SPOCK3: variants seen among roughly 807,000 people sequenced by gnomAD.
The protein encoded by SPOCK3 is testican-3.
A neutral mutation model predicts 56.6 loss-of-function variants in SPOCK3; 30 were observed. That is an observed-to-expected ratio of 0.53 (90% CI 0.40 to 0.72). The LOEUF (loss-of-function observed/expected upper bound fraction) is 0.72. SPOCK3 is among the 30% of genes least tolerant of loss of function. The probability of loss-of-function intolerance (pLI) is 0.00; values close to 1 mark genes in which losing one functional copy is unlikely to be tolerated. For missense variants in SPOCK3, 527 were observed against 530.0 expected (o/e 0.99, Z 0.06); for synonymous variants, 196 against 183.3 (o/e 1.07, Z -0.56).
chr4:166,778,546 T>C (rs1739823013), intron 7 of SPOCK3, among the ~76,000 whole-genome samples: 1 of 152,164 alleles, frequency 6.6e-6, no homozygotes, highest in African/African-American at 2.4e-5. Flanking sequence ...AAAGCACCAT[T>C]CTGGTCCACA....
At position 166,734,814 on chromosome 4, in the gene SPOCK3, G is replaced by A. The variant is rs1734053358; in HGVS notation, c.*107C>T. The A allele has an allele frequency of 2.2e-6, 2 of 919,874 alleles. No homozygotes were observed. The highest frequency in any genetic ancestry group is 3.2e-6 in the Non-Finnish European group (2 of 627,484). 57.0% of individuals were successfully genotyped at this position (919,874 alleles called of 1,614,324 possible). A position where few individuals can be genotyped will look rare whatever the true frequency, so the allele number is the denominator to read the frequency against. On this transcript the variant is annotated 3_prime_UTR_variant, in exon 11 of 11. Coordinates refer to ENST00000357545, the MANE Select transcript of SPOCK3 (RefSeq NM_001040159.2). Reference sequence around the variant, plus strand: ...TTTCAAATAATTATACAAAATATATGTGAGGTTTAGAATCATTTTGTTATT... The same window carrying A: ...TTTCAAATAATTATACAAAATATATATGAGGTTTAGAATCATTTTGTTATT...
intron 2 of SPOCK3, among the ~76,000 whole-genome samples, chr4:167,146,679 A>G (rs1178763781): frequency 1.3e-5 from 2 of 152,170 alleles, no homozygotes; most frequent in Non-Finnish European, 2.9e-5. Context: ...GCACAAACAC[A>G]TGGAAACTGA....
chr4:167,190,447 T>C (rs28771727), intron 2 of SPOCK3, among the ~76,000 whole-genome samples: 26,663 of 145,776 alleles, frequency 0.18, 5,396 homozygotes, highest in African/African-American at 0.34. Context: ...GTCATTTGAC[T>C]CTTTTTGAAT....
At chr4:166,881,446 G>C (rs1733683212) in intron 6 of SPOCK3, among the ~76,000 whole-genome samples, 1 of 151,776 alleles carries the variant, frequency 6.6e-6, no homozygotes, top group Non-Finnish European at 1.5e-5. Context: ...TAACTTACTT[G>C]TATCAAATAT....
At chr4:167,179,112 T>TG (rs1731230022) in intron 2 of SPOCK3, among the ~76,000 whole-genome samples, 3 of 152,184 alleles carry the variant, frequency 2.0e-5, no homozygotes, top group Admixed American at 2.0e-4. Context: ...ATCAGAGTCC[T>TG]GGAAGAGTCT....
At chr4:167,119,706 T>C (rs766053545) in intron 2 of SPOCK3, 97 of 943,048 alleles carry the variant, frequency 1.0e-4, no homozygotes, top group Non-Finnish European at 1.4e-4. Context: ...ATTTGAAGTA[T>C]TTAAATAGAG....
intron 2 of SPOCK3, among the ~76,000 whole-genome samples, chr4:167,084,601 G>T (rs558843547): frequency 6.6e-6 from 1 of 152,092 alleles, no homozygotes; most frequent in African/African-American, 2.4e-5. Flanking sequence ...TACTGCCTTC[G>T]GTCTTGAAAT....
In SPOCK3 at chr4:166,955,460, T is replaced by C. The variant is rs1743291479; in HGVS notation, c.351-42717A>G. On this transcript the variant is annotated intron_variant, in intron 4 of 10. Coordinates refer to ENST00000357545, the MANE Select transcript of SPOCK3 (RefSeq NM_001040159.2). ...AAATATAGAAATACAAATTATAATA[T>C]AAATATTATATTATATTTAATTATA... Among the ~76,000 whole-genome samples, 5 of 146,872 alleles carry C rather than the reference T, an allele frequency of 3.4e-5. No homozygotes were observed. In the South Asian group the frequency reaches 1.0e-3, roughly 31 times the overall value.
intron 2 of SPOCK3, among the ~76,000 whole-genome samples, chr4:167,218,868 T>C (rs1469426623): frequency 3.3e-5 from 5 of 152,092 alleles, no homozygotes; most frequent in Non-Finnish European, 5.9e-5. Context: ...ATGTACTAAG[T>C]GTGTGGTCTA....
intron 4 of SPOCK3, among the ~76,000 whole-genome samples, chr4:166,998,438 G>A (rs1748614900): frequency 6.6e-6 from 1 of 152,048 alleles, no homozygotes; most frequent in Admixed American, 6.6e-5. Flanking sequence ...CTGTAGTTAA[G>A]CTGTTTAATA....
At chr4:166,921,822 A>G (rs1436043285) in intron 4 of SPOCK3, among the ~76,000 whole-genome samples, 1 of 152,228 alleles carries the variant, frequency 6.6e-6, no homozygotes, top group African/African-American at 2.4e-5. Context: ...ATCAGGTACC[A>G]TTAAAATTCC....
chr4:166,959,503 C>T (rs1579807956), intron 4 of SPOCK3, among the ~76,000 whole-genome samples: 3 of 152,014 alleles, frequency 2.0e-5, no homozygotes, highest in South Asian at 4.2e-4. Flanking sequence ...TTCTCAGCTA[C>T]TTGGGAGGCT....
intron 3 of SPOCK3, among the ~76,000 whole-genome samples, chr4:167,037,549 T>C (rs565475997): frequency 2.0e-4 from 30 of 150,908 alleles, no homozygotes; most frequent in African/African-American, 6.1e-4. Context: ...TAAGGATTTT[T>C]TGAAATATCT....
intron 2 of SPOCK3, among the ~76,000 whole-genome samples, chr4:167,121,092 G>T (rs375765265): frequency 6.6e-6 from 1 of 150,776 alleles, no homozygotes; most frequent in Non-Finnish European, 1.5e-5. Context: ...ATCTAACCTG[G>T]GTGTTTTTTT....
intron 6 of SPOCK3, among the ~76,000 whole-genome samples, chr4:166,852,706 C>A (rs1483365922): frequency 6.6e-6 from 1 of 152,146 alleles, no homozygotes; most frequent in Non-Finnish European, 1.5e-5. Flanking sequence ...CTGCATGCAA[C>A]AAACCTTAAT....
chr4:167,061,040 C>A (rs1755553041), intron 3 of SPOCK3, among the ~76,000 whole-genome samples: 1 of 152,046 alleles, frequency 6.6e-6, no homozygotes, highest in Non-Finnish European at 1.5e-5. Context: ...AGGTTAAAAA[C>A]CTCTCTTAAT....
At chr4:166,983,939 A>G (rs1340992909) in intron 4 of SPOCK3, among the ~76,000 whole-genome samples, 1 of 152,058 alleles carries the variant, frequency 6.6e-6, no homozygotes, top group African/African-American at 2.4e-5. Context: ...ATTTACTTCA[A>G]TATAATAAAA....
chr4:167,205,303 TATATTATATATTTTATATATATA>T (rs1733999746), intron 2 of SPOCK3, among the ~76,000 whole-genome samples: 4 of 44,974 alleles, frequency 8.9e-5, no homozygotes, highest in African/African-American at 3.2e-4. Flanking sequence ...ATCTATAATA[TATATTATATATTTTATATATATA>T]ATATATATTA....
intron 6 of SPOCK3, among the ~76,000 whole-genome samples, chr4:166,840,932 C>A (rs1287285028): frequency 6.6e-6 from 1 of 151,834 alleles, no homozygotes; most frequent in Non-Finnish European, 1.5e-5. Flanking sequence ...GTGCCCGCCA[C>A]CACGCCCGGC....
Sources: allele counts gnomAD v4.1 joint callset (sites outside exome capture counted in the v4.1 genomes callset), GRCh38; gene constraint gnomAD v4.1.1; transcripts MANE v1.5; gene names NCBI Gene and HGNC (gene_info 2026-07-23, HGNC 2026-07-21).